The following WDPCP variants were observed in gnomAD, a reference collection of about 807,000 sequenced individuals.
WDPCP encodes the protein WD repeat containing planar cell polarity effector, also known as WD repeat-containing and planar cell polarity effector protein fritz homolog.
WDPCP carries 71 observed loss-of-function variants against 93.1 expected under a neutral mutation model. That is an observed-to-expected ratio of 0.76 (90% CI 0.63 to 0.93). WDPCP has a LOEUF of 0.93. Ranked by LOEUF, WDPCP falls within the 40% of genes least tolerant of loss-of-function variation. The pLI, the probability that WDPCP is intolerant of heterozygous loss-of-function variation, is 0.00. For synonymous variants in WDPCP, 315 were observed against 315.0 expected (o/e 1.00, Z 0.00); for missense variants, 844 against 887.4 (o/e 0.95, Z 0.62).
intron 2 of WDPCP, among the ~76,000 whole-genome samples, chr2:63,771,332 C>T (rs555015939): frequency 3.3e-5 from 5 of 151,186 alleles, no homozygotes; most frequent in East Asian, 1.9e-4. Context: ...AAAACTCAAG[C>T]GACACAAAAA....
rs1311761712 is a variant in WDPCP, at chr2:63,404,374, A to G, written c.1109T>C (p.Val370Ala). The change falls in exon 10 of 18, where the codon GTG (valine) becomes GCG (alanine). Residue 370 changes from valine to alanine, a missense_variant. By Grantham distance (64) the Val-to-Ala change is moderately conservative. Transcript: ENST00000272321. ...AAGTTCAGTCTGTGCTAAGAGAGTC[A>G]CTCTACGGTGAGTTTCATAAAGAAT... ...SLILYETHRR[V>A]TLLAQTELLP... 4 of 1,614,146 alleles carry G rather than the reference A, an allele frequency of 2.5e-6. No individual in the cohort carries two copies. Among genetic ancestry groups the G allele is most frequent in the Non-Finnish European group, 3.4e-6 (4 of 1,180,020 alleles).
chr2:63,547,313 G>A (rs1021816893), intron 1 of WDPCP, among the ~76,000 whole-genome samples: 1 of 152,050 alleles, frequency 6.6e-6, no homozygotes, highest in Non-Finnish European at 1.5e-5. Context: ...ACTGCTGGTG[G>A]GAACATAAAT....
chr2:63,328,679 T>C (rs1466196949), intron 12 of WDPCP, among the ~76,000 whole-genome samples: 1 of 152,192 alleles, frequency 6.6e-6, no homozygotes, highest in Non-Finnish European at 1.5e-5. Context: ...CCACACTCAA[T>C]GCCATAAACA....
intron 13 of WDPCP, among the ~76,000 whole-genome samples, chr2:63,294,392 C>T (rs932811939): frequency 2.6e-5 from 4 of 151,542 alleles, no homozygotes; most frequent in African/African-American, 9.7e-5. Context: ...CCCCTGTAAT[C>T]CCAGCTACTT....
At chr2:63,594,330 A>T (rs757551035) in intron 3 of WDPCP, 1 of 740,962 alleles carries the variant, frequency 1.3e-6, no homozygotes, top group Non-Finnish European at 2.5e-6. Context: ...CCACGTAAAT[A>T]TGCAGCACAT....
intron 3 of WDPCP, among the ~76,000 whole-genome samples, chr2:63,614,137 C>T (rs1709647747): frequency 6.6e-6 from 1 of 152,150 alleles, no homozygotes; most frequent in South Asian, 2.1e-4. Context: ...GTTCTTTGGG[C>T]TCATTCAATT....
At chr2:63,768,416 A>T (rs965600986) in intron 2 of WDPCP, among the ~76,000 whole-genome samples, 1 of 151,526 alleles carries the variant, frequency 6.6e-6, no homozygotes, top group Non-Finnish European at 1.5e-5. Context: ...CAATCTGTCA[A>T]CTTTTAAAAA....
At chr2:63,326,942 T>C (rs1208787505) in intron 12 of WDPCP, among the ~76,000 whole-genome samples, 5 of 152,232 alleles carry the variant, frequency 3.3e-5, no homozygotes, top group African/African-American at 1.2e-4. Flanking sequence ...TACCACCTTG[T>C]TGTCAGTGTG....
chr2:63,137,180 G>A (rs761896865), intron 17 of WDPCP, among the ~76,000 whole-genome samples: 1 of 152,180 alleles, frequency 6.6e-6, no homozygotes, highest in Non-Finnish European at 1.5e-5. Context: ...CACCAACAAT[G>A]TATAAGCATT....
chr2:63,370,030 G>A (rs1355191544), intron 12 of WDPCP, among the ~76,000 whole-genome samples: 1 of 152,120 alleles, frequency 6.6e-6, no homozygotes, highest in Non-Finnish European at 1.5e-5. Context: ...GGGCTTTAAG[G>A]AAGAAAAGCA....
chr2:63,585,761 G>A (rs960595524), intron 1 of WDPCP, among the ~76,000 whole-genome samples: 4 of 150,620 alleles, frequency 2.7e-5, no homozygotes, highest in African/African-American at 9.8e-5. Context: ...ACATTAAGAT[G>A]AATGAGTTTT....
intron 9 of WDPCP, 111 bp downstream of exon 9, chr2:63,433,633 GA>G (rs1379732145): frequency 8.6e-7 from 1 of 1,166,420 alleles, no homozygotes; most frequent in African/African-American, 1.6e-5. Flanking sequence ...TTGAATATTT[GA>G]AAAACATAAA....
At chr2:63,382,147 CAAAA>C in intron 10 of WDPCP, 53 bp from the exon 11 acceptor site, 20 of 1,537,036 alleles carry the variant, frequency 1.3e-5, no homozygotes, top group Non-Finnish European at 1.8e-5. Flanking sequence ...AATAGAATAA[CAAAA>C]AGAGTTAATT....
chr2:63,533,331 CCTGAACACAGTT>C (rs1379966916), intron 1 of WDPCP, among the ~76,000 whole-genome samples: 1 of 152,084 alleles, frequency 6.6e-6, no homozygotes, highest in Non-Finnish European at 1.5e-5. Flanking sequence ...ATATCCAGGA[CCTGAACACAGTT>C]CTGCACCAAG....
intron 2 of WDPCP, among the ~76,000 whole-genome samples, chr2:63,774,291 G>A (rs1443055851): frequency 3.9e-5 from 6 of 152,040 alleles, no homozygotes; most frequent in African/African-American, 9.7e-5. Context: ...ATTATGGAGC[G>A]AATGTAAAAT....
At chr2:63,349,498 T>C (rs758309835) in intron 12 of WDPCP, among the ~76,000 whole-genome samples, 1 of 152,132 alleles carries the variant, frequency 6.6e-6, no homozygotes, top group African/African-American at 2.4e-5. Context: ...ATATGAATTA[T>C]TTTCAAAGAT....
chr2:63,292,459 A>C (rs976815740), intron 13 of WDPCP, among the ~76,000 whole-genome samples: 1 of 152,158 alleles, frequency 6.6e-6, no homozygotes, highest in Non-Finnish European at 1.5e-5. Flanking sequence ...ATTTTATACA[A>C]ATGCCCAATG....
intron 2 of WDPCP, chr2:63,717,230 T>C: frequency 1.9e-6 from 1 of 514,674 alleles, no homozygotes; most frequent in Non-Finnish European, 3.8e-6. Context: ...TTGAAAGACA[T>C]ATTGGCTGAC....
At chr2:63,242,804 A>G (rs1272241815) in intron 14 of WDPCP, among the ~76,000 whole-genome samples, 1 of 152,098 alleles carries the variant, frequency 6.6e-6, no homozygotes, top group East Asian at 1.9e-4. Flanking sequence ...TACAGAAGTG[A>G]TATGTAACAA....
Sources: gnomAD v4.1 joint callset for allele counts (sites outside exome capture counted in the v4.1 genomes callset) on GRCh38, gnomAD v4.1.1 for gene constraint, MANE v1.5 for transcripts, NCBI Gene and HGNC (gene_info 2026-07-23, HGNC 2026-07-21) for gene names.